Variants in NPAS3 observed in about 807,000 individuals in gnomAD.
The protein encoded by NPAS3 is neuronal PAS domain-containing protein 3.
NPAS3 carries 14 observed loss-of-function variants against 73.1 expected under a neutral mutation model. The ratio of observed to expected loss-of-function variants is 0.19; its 90% CI spans 0.13 to 0.30. The LOEUF (loss-of-function observed/expected upper bound fraction) is 0.30. Ranked by LOEUF, NPAS3 falls within the 10% of genes least tolerant of loss-of-function variation. The pLI, the probability that NPAS3 is intolerant of heterozygous loss-of-function variation, is 1.00. For synonymous variants in NPAS3, 620 were observed against 541.5 expected, an observed-to-expected ratio of 1.14 and a Z score of -2.01; for missense variants, 1,096 against 1,250.0, an observed-to-expected ratio of 0.88 and a Z score of 1.86.
intron 4 of NPAS3, among the ~76,000 whole-genome samples, chr14:33,555,889 G>GGTGTGTGTGTGT (rs142802411): frequency 4.7e-5 from 7 of 148,484 alleles, no homozygotes; most frequent in African/African-American, 1.8e-4. Flanking sequence ...AATTGTTGTT[G>GGTGTGTGTGTGT]GTGTGTCTGT....
At chr14:33,534,435 G>T (rs2054173905) in intron 4 of NPAS3, among the ~76,000 whole-genome samples, 1 of 152,114 alleles carries the variant, frequency 6.6e-6, no homozygotes, top group Non-Finnish European at 1.5e-5. Flanking sequence ...TCCCTTGAAT[G>T]ACATAGTTGC....
chr14:33,782,823 T>TAAAAAAAAAAAAAAAAAA (rs199704146), intron 9 of NPAS3, among the ~76,000 whole-genome samples: 16 of 148,564 alleles, frequency 1.1e-4, no homozygotes, highest in Non-Finnish European at 1.6e-4. Context: ...TGTTTTTTTT[T>TAAAAAAAAAAAAAAAAAA]AAAAAAAAGA....
chr14:33,498,201 G>A (rs974203975), intron 4 of NPAS3, among the ~76,000 whole-genome samples: 1 of 152,146 alleles, frequency 6.6e-6, no homozygotes, highest in African/African-American at 2.4e-5. Context: ...AACAGATGCT[G>A]GAGAGGATGT....
At chr14:33,168,827 T>G (rs576351854) in intron 2 of NPAS3, among the ~76,000 whole-genome samples, 1 of 152,282 alleles carries the variant, frequency 6.6e-6, no homozygotes, top group South Asian at 2.1e-4. Context: ...AACCTTTAAC[T>G]CCAAGGCAGG....
intron 2 of NPAS3, among the ~76,000 whole-genome samples, chr14:33,083,963 A>G (rs2041942830): frequency 6.6e-6 from 1 of 152,188 alleles, no homozygotes. Flanking sequence ...TCCTTTAAGT[A>G]ATGCAGGAAT....
Position 33,680,668 on chromosome 14 carries a change from T to G in NPAS3, c.733+4283T>G, listed in dbSNP as rs763443133. 4.3e-6 allele frequency: 3 copies of G among 702,398 alleles called. No individual in the cohort carries two copies. The South Asian group carries it at 4.4e-5, about 10-fold the overall frequency. The allele number at this position is 702,398 out of a possible 1,614,324, so 43.5% of individuals were successfully genotyped here. A position where few individuals can be genotyped will look rare whatever the true frequency, so the allele number is the denominator to read the frequency against. On this transcript the variant is annotated intron_variant, in intron 6 of 11. Coordinates refer to ENST00000356141, the Ensembl canonical transcript of NPAS3. ...GGACCCCTGTCAGGAAGAACATGCC[T>G]GGATCCTACTTCAGAGAGAACTCAG...
Position 33,771,616 on chromosome 14 carries a change from C to A in NPAS3, c.853-2721C>A, listed in dbSNP as rs150333112. ...CACGAGATCAGGAGATTGAGACCAT[C>A]CTGGCTAACATGGTGAAACCCCGTC... On this transcript the variant is annotated intron_variant, in intron 7 of 11. Coordinates refer to ENST00000356141, the Ensembl canonical transcript of NPAS3. 9.3e-3 allele frequency among the ~76,000 whole-genome samples: 1,410 copies of A among 152,180 alleles called. 23 individuals are homozygous for A. The highest frequency in any genetic ancestry group is 0.032 in the African/African-American group (1,327 of 41,518).
chr14:33,120,976 G>A (rs1197321424), intron 2 of NPAS3, among the ~76,000 whole-genome samples: 1 of 152,082 alleles, frequency 6.6e-6, no homozygotes, highest in Non-Finnish European at 1.5e-5. Flanking sequence ...CCTGTTCGGT[G>A]ATAATTACTG....
intron 4 of NPAS3, among the ~76,000 whole-genome samples, chr14:33,540,334 C>A (rs2054455377): frequency 6.6e-6 from 1 of 152,134 alleles, no homozygotes; most frequent in Non-Finnish European, 1.5e-5. Context: ...TCATTTATTG[C>A]CTTCTCTGAA....
At chr14:33,752,547 G>A (rs996464940) in intron 7 of NPAS3, among the ~76,000 whole-genome samples, 9 of 152,202 alleles carry the variant, frequency 5.9e-5, no homozygotes, top group African/African-American at 1.7e-4. Context: ...GCAACACAGA[G>A]CTGATGCACA....
intron 4 of NPAS3, among the ~76,000 whole-genome samples, chr14:33,515,187 A>C (rs1487290038): frequency 6.6e-6 from 1 of 152,046 alleles, no homozygotes; most frequent in East Asian, 1.9e-4. Flanking sequence ...CACTCACTTC[A>C]TACCCCTAGG....
chr14:33,338,352 CT>C (rs1329987345), intron 3 of NPAS3, among the ~76,000 whole-genome samples: 1 of 152,074 alleles, frequency 6.6e-6, no homozygotes, highest in Non-Finnish European at 1.5e-5. Context: ...CTTTTTAAGT[CT>C]TAGCCAAGAT....
At chr14:33,795,549 C>T (rs140949885) in intron 10 of NPAS3, among the ~76,000 whole-genome samples, 143 of 152,272 alleles carry the variant, frequency 9.4e-4, no homozygotes, top group Middle Eastern at 3.4e-3. Flanking sequence ...GACAAGGAGA[C>T]CCATCACCAG....
rs142144802 is a variant in NPAS3, at chr14:33,344,330, G to A, written c.386-22856G>A. Among the ~76,000 whole-genome samples, 7 of 152,290 alleles carry A rather than the reference G, an allele frequency of 4.6e-5. No individual in the cohort carries two copies. In the East Asian group the frequency reaches 1.3e-3, roughly 29 times the overall value. On this transcript the variant is annotated intron_variant, in intron 3 of 11. Transcript: ENST00000356141. ...ATAGAATACCTTCTATTTGCAATTA[G>A]TTATTTCACTGTGGGAAGCATTTCT...
At chr14:33,645,297 G>A (rs961122380) in intron 5 of NPAS3, among the ~76,000 whole-genome samples, 57 of 152,096 alleles carry the variant, frequency 3.7e-4, no homozygotes, top group African/African-American at 1.3e-3. Flanking sequence ...ACTACTAAAT[G>A]ATATCCTCTG....
intron 3 of NPAS3, among the ~76,000 whole-genome samples, chr14:33,280,030 G>T (rs1372193201): frequency 6.6e-6 from 1 of 152,162 alleles, no homozygotes; most frequent in Non-Finnish European, 1.5e-5. Context: ...GCCTAACACT[G>T]TGTGAAGGCA....
intron 4 of NPAS3, among the ~76,000 whole-genome samples, chr14:33,434,019 C>T (rs887803964): frequency 4.6e-5 from 7 of 151,836 alleles, no homozygotes; most frequent in African/African-American, 9.7e-5. Context: ...GGTGAAACCC[C>T]GTCTTTACTA....
intron 7 of NPAS3, among the ~76,000 whole-genome samples, chr14:33,765,836 G>A (rs187823482): frequency 1.3e-5 from 2 of 152,114 alleles, no homozygotes; most frequent in African/African-American, 4.8e-5. Flanking sequence ...TGTCATACAG[G>A]GCACTAGGAG....
chr14:33,389,996 A>G (rs2046932301), intron 4 of NPAS3, among the ~76,000 whole-genome samples: 1 of 151,892 alleles, frequency 6.6e-6, no homozygotes, highest in African/African-American at 2.4e-5. Flanking sequence ...ATGTTGTTCC[A>G]TGGAAAGAAT....
Sources: gnomAD v4.1 joint callset for allele counts (sites outside exome capture counted in the v4.1 genomes callset) on GRCh38, gnomAD v4.1.1 for gene constraint, MANE v1.5 for transcripts, NCBI Gene and HGNC (gene_info 2026-07-23, HGNC 2026-07-21) for gene names.